ACTA2: variants seen among roughly 807,000 people sequenced by gnomAD.
The protein encoded by ACTA2 is actin alpha 2, smooth muscle, also known as actin, aortic smooth muscle.
Under a neutral mutation model 39.5 loss-of-function variants are expected in ACTA2, and 12 were observed. The observed-to-expected ratio is 0.30, with a 90% CI of 0.19 to 0.49. The LOEUF is 0.49. ACTA2 is among the 20% of genes least tolerant of loss of function. ACTA2 has a pLI of 0.99. For synonymous variants in ACTA2, 158 were observed against 180.6 expected (o/e 0.88, Z 1.00); for missense variants, 236 against 498.8 (o/e 0.47, Z 5.02).
chr10:88,982,501 C>T lies in ACTA2; in HGVS notation c.-24+8438G>A, dbSNP rs180866865. ...TGGTACAGAACTGTAAGATACATGTCCCACGACAGAAATAAAAAAGGCAGA... is the reference window on the plus strand; with the variant it reads ...TGGTACAGAACTGTAAGATACATGTTCCACGACAGAAATAAAAAAGGCAGA... On this transcript the variant is annotated intron_variant, in intron 1 of 4. Coordinates refer to the ACTA2 transcript ENST00000415557. 7.3e-5 allele frequency among the ~76,000 whole-genome samples: 11 copies of T among 151,278 alleles called. No individual in the cohort carries two copies. The East Asian group carries it at 1.9e-3, about 27-fold the overall frequency.
In ACTA2 at chr10:88,952,732, C is replaced by T. The variant is rs1226487955; in HGVS notation, c.-25G>A. 1 of 152,322 alleles carries T rather than the reference C, an allele frequency of 6.6e-6. No individual in the cohort carries two copies. Among genetic ancestry groups the T allele is most frequent in the Non-Finnish European group, 1.5e-5 (1 of 68,110 alleles). 9.4% of individuals were successfully genotyped at this position (152,322 alleles called of 1,614,324 possible). ...CATCCTTGGCCTGGCGCCACTTACC[C>T]TGACAGTGCTTGGCTGGGCTGCTCC... is the stretch of plus-strand genomic sequence containing the variant. On this transcript the variant is annotated splice_region_variant and 5_prime_UTR_variant, in exon 1 of 9. Coordinates refer to ENST00000224784, the MANE Select transcript of ACTA2 (RefSeq NM_001613.4).
At position 88,939,697 on chromosome 10, in the gene ACTA2, A is replaced by G. The variant is rs746466740; in HGVS notation, c.618T>C (p.Ala206=). Residue 206 remains alanine, a splice_region_variant and synonymous_variant, in exon 7 of 9, where the codon GCT becomes GCC. Coordinates refer to ENST00000224784, the MANE Select transcript of ACTA2 (RefSeq NM_001613.4). The stretch of plus-strand genomic sequence containing the variant: ...TGATGTCCCGGACAATCTCACGCTC[A>G]GCTGTCAACCAGATACAAACATTGT... ...TERGYSFVTT[A]EREIVRDIKE... The G allele has an allele frequency of 3.1e-6, 5 of 1,613,892 alleles. No individual in the cohort carries two copies. In the East Asian group the frequency reaches 1.1e-4, roughly 36 times the overall value.
upstream of ACTA2, among the ~76,000 whole-genome samples, chr10:88,955,547 T>C (rs1846124325): frequency 6.6e-6 from 1 of 152,220 alleles, no homozygotes; most frequent in South Asian, 2.1e-4. Flanking sequence ...TCCTGCCACA[T>C]CTGCAGGGAT....
upstream of ACTA2, among the ~76,000 whole-genome samples, chr10:88,953,030 T>A (rs1330758249): frequency 6.6e-6 from 1 of 152,246 alleles, no homozygotes; most frequent in Non-Finnish European, 1.5e-5. Flanking sequence ...TCAGAACAAC[T>A]GCAGAAATGC....
At chr10:88,943,993 G>A in intron 3 of ACTA2, 86 bp from the exon 4 acceptor site, 1 of 1,203,160 alleles carries the variant, frequency 8.3e-7, no homozygotes, top group Non-Finnish European at 1.2e-6. Flanking sequence ...GAAGCTACTT[G>A]AAACCAAGAC....
At chr10:88,943,409 C>T (rs551778499) in intron 4 of ACTA2, among the ~76,000 whole-genome samples, 18 of 152,232 alleles carry the variant, frequency 1.2e-4, no homozygotes, top group African/African-American at 3.9e-4. Flanking sequence ...GAGAAATTAA[C>T]GGAGTTCTTT....
intron 5 of ACTA2, 126 bp from the exon 6 acceptor site, chr10:88,941,516 G>C: frequency 2.4e-6 from 3 of 1,239,442 alleles, no homozygotes; most frequent in Non-Finnish European, 3.5e-6. Flanking sequence ...AGAAAACAGG[G>C]CATGTGATAG....
chr10:88,959,930 CAT>C (rs987376670), intron 1 of ACTA2, among the ~76,000 whole-genome samples: 4 of 152,162 alleles, frequency 2.6e-5, no homozygotes, highest in Non-Finnish European at 5.9e-5. Context: ...ACTGAAATCA[CAT>C]GTTTTTGAGA....
At chr10:88,937,962 T>C (rs1845773885) in intron 8 of ACTA2, 99 bp downstream of exon 8, 1 of 1,424,112 alleles carries the variant, frequency 7.0e-7, no homozygotes, top group Non-Finnish European at 9.8e-7. Context: ...AACCCACAAT[T>C]GCATGTCACC....
chr10:88,950,610 T>C (rs1846031909), intron 1 of ACTA2, among the ~76,000 whole-genome samples: 1 of 152,238 alleles, frequency 6.6e-6, no homozygotes. Context: ...GGAGTTGAAG[T>C]GACTTGTCCA....
chr10:88,948,947 C>A lies in ACTA2; in HGVS notation c.-17G>T. On this transcript the variant is annotated 5_prime_UTR_variant, in exon 2 of 9. Coordinates refer to ENST00000224784, the MANE Select transcript of ACTA2 (RefSeq NM_001613.4). ...TTCACACATAGCTGGAGCTGCTTCA[C>A]AGGATTCTATAGAAAACAGGGAGGA... is the stretch of plus-strand genomic sequence containing the variant. 6.2e-7 allele frequency: 1 copy of A among 1,613,486 alleles called. No individual in the cohort carries two copies. The highest frequency in any genetic ancestry group is 1.7e-5 in the Admixed American group (1 of 59,996).
At chr10:88,939,333 T>A in intron 7 of ACTA2, 174 bp downstream of exon 7, 2 of 789,926 alleles carry the variant, frequency 2.5e-6, no homozygotes, top group East Asian at 5.2e-5. Flanking sequence ...GAAAACCTTT[T>A]TCCTGGCCTC....
intron 1 of ACTA2, among the ~76,000 whole-genome samples, chr10:88,982,575 AT>A (rs1479065581): frequency 2.0e-5 from 3 of 152,186 alleles, no homozygotes. Context: ...CATTATCCTG[AT>A]TGGCTGAGGG....
intron 1 of ACTA2, among the ~76,000 whole-genome samples, chr10:88,962,483 C>G (rs747761614): frequency 1.3e-5 from 2 of 152,088 alleles, no homozygotes; most frequent in Non-Finnish European, 1.5e-5. Flanking sequence ...TTCAGACAGG[C>G]ATCTGCCTGC....
chr10:88,946,275 CTTT>C (rs35702314), intron 3 of ACTA2, among the ~76,000 whole-genome samples: 1 of 117,082 alleles, frequency 8.5e-6, no homozygotes, highest in Non-Finnish European at 1.7e-5. Flanking sequence ...TTAATTAAAC[CTTT>C]TTTTTTTTTT....
At chr10:88,983,547 A>G (rs1338427132) in intron 1 of ACTA2, among the ~76,000 whole-genome samples, 1 of 149,558 alleles carries the variant, frequency 6.7e-6, no homozygotes, top group Non-Finnish European at 1.5e-5. Context: ...TCTATAAAAT[A>G]GGATGGTAAC....
intron 1 of ACTA2, among the ~76,000 whole-genome samples, chr10:88,959,520 C>T (rs1053462598): frequency 1.3e-5 from 2 of 152,120 alleles, no homozygotes; most frequent in Admixed American, 6.5e-5. Flanking sequence ...TGGAGAAGAC[C>T]TTAGAGTCAA....
rs535300139 is a variant in ACTA2, at chr10:88,960,087, A to G, written c.-23-11134T>C. Among the ~76,000 whole-genome samples, 3 of 152,324 alleles carry G rather than the reference A, an allele frequency of 2.0e-5. No homozygotes were observed. In the South Asian group the frequency reaches 6.2e-4, roughly 32 times the overall value. On this transcript the variant is annotated intron_variant, in intron 1 of 4. Coordinates refer to the ACTA2 transcript ENST00000415557. ...TCTACTGTAAAATTATTTTTCTGTC[A>G]GTATCTTCCATACTATACTCTTTGG...
At position 88,990,568 on chromosome 10, in the gene ACTA2, G is replaced by A; in HGVS notation, c.-24+371C>T. The A allele has an allele frequency of 1.5e-6, 1 of 649,540 alleles. No homozygotes were observed. Among genetic ancestry groups the A allele is most frequent in the Non-Finnish European group, 2.8e-6 (1 of 352,226 alleles). The allele number at this position is 649,540 out of a possible 1,614,324, so 40.2% of individuals were successfully genotyped here. ...CAGGCCAAGTTGCTGAATCAATGGA[G>A]CCCTCCCCAACCCGGGCGTTCCCCA... is the stretch of plus-strand genomic sequence containing the variant. On this transcript the variant is annotated intron_variant, in intron 1 of 4. Transcript: ENST00000415557. The surrounding 1 kb of genome is among the most constrained non-coding windows in gnomAD (Gnocchi z 4.9).
Sources: allele counts gnomAD v4.1 joint callset (sites outside exome capture counted in the v4.1 genomes callset), GRCh38; gene constraint gnomAD v4.1.1; non-coding constraint Gnocchi (gnomAD v3.1); transcripts MANE v1.5; gene names NCBI Gene and HGNC (gene_info 2026-07-23, HGNC 2026-07-21).